Variants in RAB11FIP3 observed in about 807,000 individuals in gnomAD.
RAB11FIP3 encodes RAB11 family interacting protein 3, also known as rab11 family-interacting protein 3.
A neutral mutation model predicts 77.8 loss-of-function variants in RAB11FIP3; 17 were observed. The observed-to-expected ratio is 0.22, with a 90% confidence interval of 0.15 to 0.33. The LOEUF is 0.33. Ranked by LOEUF, RAB11FIP3 falls within the 10% of genes least tolerant of loss-of-function variation. The probability of loss-of-function intolerance (pLI) is 1.00; values close to 1 mark genes in which losing one functional copy is unlikely to be tolerated. For missense variants in RAB11FIP3, 1,005 were observed against 1,011.2 expected, an observed-to-expected ratio of 0.99 and a Z score of 0.08; for synonymous variants, 437 against 448.2, an observed-to-expected ratio of 0.98 and a Z score of 0.31.
Position 472,059 on chromosome 16 carries a change from C to G in RAB11FIP3, c.903+670C>G, listed in dbSNP as rs2055819205. On this transcript the variant is annotated intron_variant, in intron 3 of 13. Coordinates refer to ENST00000262305, the MANE Select transcript of RAB11FIP3 (RefSeq NM_014700.4). This position sits in a 1 kb window ranked among gnomAD's most constrained non-coding sequence, Gnocchi z 4.1. ...CAGTCCTGGTCAGCCTGCTGCCGAG[C>G]AAGGGTACCAGAAGTGGGGCTGAGC... 2.0e-5 allele frequency among the ~76,000 whole-genome samples: 3 copies of G among 152,192 alleles called. No individual in the cohort carries two copies. In the South Asian group the frequency reaches 6.2e-4, roughly 31 times the overall value.
intron 1 of RAB11FIP3, among the ~76,000 whole-genome samples, chr16:429,559 G>A (rs532245791): frequency 3.3e-5 from 5 of 151,702 alleles, no homozygotes; most frequent in Non-Finnish European, 5.9e-5. Flanking sequence ...GAGTGCAATG[G>A]TGTGATCTCG....
rs561352738 is a variant in RAB11FIP3, at chr16:426,421, G to C, written c.415G>C (p.Glu139Gln). The change falls in exon 1 of 14, where the codon GAG becomes CAG. Residue 139 changes from glutamate to glutamine, a missense_variant. Glu to Gln is a conservative substitution (Grantham distance 29). Around this residue, in one of 4 missense-constraint regions of RAB11FIP3, gnomAD observed 466 missense variants for 408.3 expected, o/e 1.14. Transcript: ENST00000262305. This position sits in a 1 kb window ranked among gnomAD's most constrained non-coding sequence, Gnocchi z 5.0. Reference protein sequence around the residue: ...PEECGPASCPESAPFRLQGSS... With the variant: ...PEECGPASCPQSAPFRLQGSS... ...GGAGTGTGGCCCCGCGAGCTGCCCGGAGAGCGCGCCTTTCCGCTTGCAGGG... is the reference window on the plus strand; with the variant it reads ...GGAGTGTGGCCCCGCGAGCTGCCCGCAGAGCGCGCCTTTCCGCTTGCAGGG... The C allele has an allele frequency of 1.3e-6, 2 of 1,584,376 alleles. No homozygotes were observed. The highest frequency in any genetic ancestry group is 1.7e-6 in the Non-Finnish European group (2 of 1,166,996).
At chr16:498,630 C>T (rs2031310035) in intron 6 of RAB11FIP3, among the ~76,000 whole-genome samples, 1 of 152,156 alleles carries the variant, frequency 6.6e-6, no homozygotes, top group Non-Finnish European at 1.5e-5. Context: ...ATGATCCTCC[C>T]TCCTCAGCCT....
chr16:495,261 G>A (rs1022768249), intron 5 of RAB11FIP3, among the ~76,000 whole-genome samples: 1 of 151,878 alleles, frequency 6.6e-6, no homozygotes, highest in African/African-American at 2.4e-5. Context: ...AGGAGCAGCC[G>A]CCACCCAGGG....
intron 1 of RAB11FIP3, among the ~76,000 whole-genome samples, chr16:458,774 C>A (rs542619214): frequency 4.7e-4 from 72 of 152,384 alleles, no homozygotes; most frequent in African/African-American, 1.7e-3. Flanking sequence ...AGTCTGCCCC[C>A]TCTGTGGCTG....
In RAB11FIP3 at chr16:497,454, C is replaced by G. The variant is rs529704028; in HGVS notation, c.1301+595C>G. On this transcript the variant is annotated intron_variant, in intron 6 of 13. Transcript: ENST00000262305. ...TGGCCTCTGCTGCCGTCAGAGTCTG[C>G]CTTTGTGTCTTTATCTGCTTTGCCT... 1.1e-4 allele frequency: 134 copies of G among 1,219,482 alleles called. No homozygotes were observed. In the South Asian group the frequency reaches 1.8e-3, roughly 16 times the overall value. 75.5% of individuals were successfully genotyped at this position (1,219,482 alleles called of 1,614,324 possible). A position where few individuals can be genotyped will look rare whatever the true frequency, so the allele number is the denominator to read the frequency against.
In RAB11FIP3 at chr16:512,305, A is replaced by G. The variant is rs554076222; in HGVS notation, c.1640+1505A>G. 6.6e-5 allele frequency among the ~76,000 whole-genome samples: 10 copies of G among 151,760 alleles called. No homozygotes were observed. In the East Asian group the frequency reaches 1.7e-3, roughly 26 times the overall value. Reference sequence around the variant, plus strand: ...GCCCAGGCTGGAGTGCAGTGGCGCGATCTCGGCTCACTGCAAGCTCTGCCT... The same window carrying G: ...GCCCAGGCTGGAGTGCAGTGGCGCGGTCTCGGCTCACTGCAAGCTCTGCCT... On this transcript the variant is annotated intron_variant, in intron 9 of 13. Transcript: ENST00000262305.
chr16:509,660 C>T (rs1415791855), intron 8 of RAB11FIP3, among the ~76,000 whole-genome samples: 1 of 152,218 alleles, frequency 6.6e-6, no homozygotes, highest in African/African-American at 2.4e-5. Context: ...GTCTAGCTGA[C>T]ACCTGCCCTG....
At chr16:438,191 T>A (rs1376186729) in intron 1 of RAB11FIP3, among the ~76,000 whole-genome samples, 2 of 151,960 alleles carry the variant, frequency 1.3e-5, no homozygotes, top group Non-Finnish European at 2.9e-5. Flanking sequence ...TACTGCAACC[T>A]CCGCCTCTCA....
chr16:498,078 C>T (rs1179480870), intron 6 of RAB11FIP3, among the ~76,000 whole-genome samples: 1 of 152,080 alleles, frequency 6.6e-6, no homozygotes, highest in African/African-American at 2.4e-5. Flanking sequence ...CCCCAGACTC[C>T]CTGGGCTTAA....
chr16:443,091 T>G (rs1275660941), intron 1 of RAB11FIP3, among the ~76,000 whole-genome samples: 9 of 152,144 alleles, frequency 5.9e-5, no homozygotes, highest in Non-Finnish European at 1.3e-4. Flanking sequence ...GATTTAATTT[T>G]TAAGAACCCT....
chr16:483,323 C>T (rs2056084334), intron 4 of RAB11FIP3, among the ~76,000 whole-genome samples: 1 of 152,176 alleles, frequency 6.6e-6, no homozygotes, highest in African/African-American at 2.4e-5. Context: ...CTGATGGACC[C>T]CCTCTCTCAG....
chr16:427,078 A>C (rs1020325136), intron 1 of RAB11FIP3, among the ~76,000 whole-genome samples: 1 of 152,082 alleles, frequency 6.6e-6, no homozygotes, highest in Non-Finnish European at 1.5e-5. Context: ...TGAATGAAGA[A>C]GTTCCCCGCG....
intron 5 of RAB11FIP3, among the ~76,000 whole-genome samples, chr16:489,693 T>G (rs896323422): frequency 6.6e-6 from 1 of 152,230 alleles, no homozygotes; most frequent in African/African-American, 2.4e-5. Context: ...CGAGCCTCTT[T>G]AAGCAGCCAC....
At chr16:441,807 A>G (rs1049307725) in intron 1 of RAB11FIP3, among the ~76,000 whole-genome samples, 6 of 151,816 alleles carry the variant, frequency 4.0e-5, no homozygotes, top group Non-Finnish European at 7.4e-5. Flanking sequence ...GAATTCCACA[A>G]CTCTTGAACT....
chr16:483,272 G>A (rs1156693026), intron 4 of RAB11FIP3, among the ~76,000 whole-genome samples: 1 of 152,204 alleles, frequency 6.6e-6, no homozygotes, highest in Non-Finnish European at 1.5e-5. Context: ...ACGCTGAAGT[G>A]TAATTGTGAA....
intron 5 of RAB11FIP3, among the ~76,000 whole-genome samples, chr16:490,224 C>G (rs765507752): frequency 6.6e-6 from 1 of 152,244 alleles, no homozygotes; most frequent in Non-Finnish European, 1.5e-5. Flanking sequence ...TCCCAGCGCC[C>G]GCGATGAGGC....
In RAB11FIP3 at chr16:506,102, A is replaced by G. The variant is rs1425399226; in HGVS notation, c.1499+475A>G. ...AGTACGCGACAGGACGCGCAGTCTC[A>G]TCGCTGTGGGCAGGAGTGCTGGGGA... On this transcript the variant is annotated intron_variant, in intron 8 of 13. Coordinates refer to ENST00000262305, the MANE Select transcript of RAB11FIP3 (RefSeq NM_014700.4). This position sits in a 1 kb window ranked among gnomAD's most constrained non-coding sequence, Gnocchi z 4.5. 6.6e-6 allele frequency among the ~76,000 whole-genome samples: 1 copy of G among 152,208 alleles called. No homozygotes were observed. Among genetic ancestry groups the G allele is most frequent in the East Asian group, 1.9e-4 (1 of 5,192 alleles).
chr16:484,047 G>A (rs1287476663), intron 4 of RAB11FIP3, among the ~76,000 whole-genome samples: 1 of 152,080 alleles, frequency 6.6e-6, no homozygotes, highest in East Asian at 1.9e-4. Flanking sequence ...CGGGCTGTTA[G>A]TCACTCTTAT....
Sources: gnomAD v4.1 joint callset for allele counts (sites outside exome capture counted in the v4.1 genomes callset) on GRCh38, gnomAD v4.1.1 for gene constraint, gnomAD v4.1.1 regional missense constraint, Gnocchi (gnomAD v3.1) non-coding constraint, MANE v1.5 for transcripts, NCBI Gene and HGNC (gene_info 2026-07-23, HGNC 2026-07-21) for gene names.